Variants in PCDHGB5 observed in about 807,000 individuals in gnomAD.
The protein encoded by PCDHGB5 is protocadherin gamma-B5.
In PCDHGB5, 48 loss-of-function variants were observed where a neutral mutation model predicts 62.9. That is an observed-to-expected ratio of 0.76 (90% CI 0.61 to 0.97). The LOEUF is 0.97. Among genes scored for constraint, PCDHGB5 ranks in the 50% least tolerant of loss-of-function variants. The pLI, the probability that PCDHGB5 is intolerant of heterozygous loss-of-function variation, is 0.00. For missense variants in PCDHGB5, 1,118 were observed against 1,198.6 expected, an observed-to-expected ratio of 0.93 and a Z score of 0.99; for synonymous variants, 474 against 511.2, an observed-to-expected ratio of 0.93 and a Z score of 0.98.
chr5:141,450,650 C>G (rs1220350105), intron 1 of PCDHGB5, among the ~76,000 whole-genome samples: 1 of 151,618 alleles, frequency 6.6e-6, no homozygotes, highest in Non-Finnish European at 1.5e-5. Context: ...CCATGCCTGG[C>G]TAATTTTTGT....
intron 1 of PCDHGB5, among the ~76,000 whole-genome samples, chr5:141,465,137 GGGGA>G (rs2099097662): frequency 2.0e-5 from 3 of 151,520 alleles, no homozygotes; most frequent in Non-Finnish European, 4.4e-5. Context: ...AAAAAGTTTA[GGGGA>G]TATATGAAGG....
intron 2 of PCDHGB5, among the ~76,000 whole-genome samples, chr5:141,500,184 T>TTTTATTTATTTATTTA (rs58019021): frequency 1.5e-5 from 2 of 135,886 alleles, no homozygotes; most frequent in African/African-American, 5.4e-5. Flanking sequence ...TCATTTTTAT[T>TTTTATTTATTTATTTA]TTTATTTATT....
chr5:141,500,641 TA>T (rs1306300025), intron 2 of PCDHGB5, among the ~76,000 whole-genome samples: 4 of 152,346 alleles, frequency 2.6e-5, no homozygotes, highest in Middle Eastern at 3.4e-3. Flanking sequence ...ACTAGTTTTT[TA>T]AAAATAGCAA....
intron 1 of PCDHGB5, among the ~76,000 whole-genome samples, chr5:141,401,115 G>C (rs923480761): frequency 5.9e-5 from 9 of 151,974 alleles, no homozygotes; most frequent in African/African-American, 1.7e-4. Context: ...AGGCCGAGGC[G>C]GTTGGATCAC....
chr5:141,423,628 A>G (rs1272272666), intron 1 of PCDHGB5: 2 of 1,604,848 alleles, frequency 1.2e-6, no homozygotes, highest in African/African-American at 1.3e-5. Context: ...CTCAGCTATC[A>G]TTTTAGGCAA....
At chr5:141,427,191 G>A (rs749528616) in intron 1 of PCDHGB5, 1 of 456,716 alleles carries the variant, frequency 2.2e-6, no homozygotes, top group South Asian at 1.5e-5. Flanking sequence ...TAAATCCAAA[G>A]ACTTAATAGA....
chr5:141,422,330 C>A, intron 1 of PCDHGB5: 1 of 1,548,166 alleles, frequency 6.5e-7, no homozygotes. Flanking sequence ...ACAGTGATTG[C>A]TCTTCTAAAT....
Position 141,470,128 on chromosome 5 carries a change from CA to C in PCDHGB5, c.2398-24670del, listed in dbSNP as rs200356364. Among the ~76,000 whole-genome samples, 62 of 150,148 alleles carry C rather than the reference CA, an allele frequency of 4.1e-4. 1 individual carries two copies. Among genetic ancestry groups the C allele is most frequent in the Middle Eastern group, 3.4e-3 (1 of 294 alleles). On this transcript the variant is annotated intron_variant, in intron 1 of 3. Coordinates refer to ENST00000617380, the MANE Select transcript of PCDHGB5 (RefSeq NM_018925.3). ...TGAGCAACAGAGCAAGACTTCGTCTCAAAAAAAAAGATCATAGATCATCTTA... is the reference window on the plus strand; with the variant it reads ...TGAGCAACAGAGCAAGACTTCGTCTCAAAAAAAAGATCATAGATCATCTTA...
At chr5:141,448,000 C>T (rs1363676731) in intron 1 of PCDHGB5, among the ~76,000 whole-genome samples, 3 of 151,840 alleles carry the variant, frequency 2.0e-5, no homozygotes, top group Non-Finnish European at 4.4e-5. Flanking sequence ...GCATGAGAAT[C>T]GCTTGAACCC....
intron 1 of PCDHGB5, among the ~76,000 whole-genome samples, chr5:141,445,953 T>C (rs550111391): frequency 2.0e-4 from 31 of 152,308 alleles, no homozygotes; most frequent in Middle Eastern, 3.4e-3. Flanking sequence ...CTCTGGCTGC[T>C]ATATGGAGAA....
intron 3 of PCDHGB5, among the ~76,000 whole-genome samples, chr5:141,509,069 G>A (rs1463164307): frequency 2.6e-5 from 4 of 152,174 alleles, no homozygotes; most frequent in African/African-American, 9.7e-5. Context: ...CTCAGCTCCG[G>A]GGATTTGCGA....
chr5:141,502,383 G>A (rs941410477), intron 2 of PCDHGB5, among the ~76,000 whole-genome samples: 2 of 151,846 alleles, frequency 1.3e-5, no homozygotes, highest in African/African-American at 4.8e-5. Context: ...CAGGCCAGTT[G>A]TACTTTAAAA....
rs377061064 is a variant in PCDHGB5, at chr5:141,505,429, C to A, written c.2493C>A (p.Asn831Lys). 1.2e-6 allele frequency: 2 copies of A among 1,614,116 alleles called. No homozygotes were observed. Among genetic ancestry groups the A allele is most frequent in the African/African-American group, 1.3e-5 (1 of 74,938 alleles). Residue 831 changes from asparagine (N) to lysine (K), a missense_variant, in exon 3 of 4, where the codon AAC becomes AAA. Asn to Lys is a moderately conservative substitution (Grantham distance 94, BLOSUM62 0). Coordinates refer to ENST00000617380, the MANE Select transcript of PCDHGB5 (RefSeq NM_018925.3). ...QNGDDTGTWP[N>K]NQFDTEMLQA... ...GCGATGACACCGGCACCTGGCCCAA[C>A]AACCAGTTTGACACAGAGATGCTGC...
At chr5:141,438,649 CACATATATGTAT>C (rs1346265042) in intron 1 of PCDHGB5, among the ~76,000 whole-genome samples, 20 of 100,970 alleles carry the variant, frequency 2.0e-4, no homozygotes, top group Admixed American at 2.1e-4. Flanking sequence ...CACACACACA[CACATATATGTAT>C]ATATATATTT....
chr5:141,466,766 T>G (rs1309395984), intron 1 of PCDHGB5, among the ~76,000 whole-genome samples: 2 of 152,194 alleles, frequency 1.3e-5, no homozygotes, highest in Non-Finnish European at 2.9e-5. Context: ...TTTCAAACTG[T>G]TATCTTATTC....
In PCDHGB5 at chr5:141,491,722, C is replaced by T. The variant is rs1276921909; in HGVS notation, c.2398-3085C>T. ...CCAGGTGAGGGGCTCGGCGCCGCCC[C>T]GGGCGACCCCTGGGGGCGGCACTGG... On this transcript the variant is annotated intron_variant, in intron 1 of 3. Coordinates refer to ENST00000617380, the MANE Select transcript of PCDHGB5 (RefSeq NM_018925.3). This position sits in a 1 kb window ranked among gnomAD's most constrained non-coding sequence, Gnocchi z 6.9. The T allele has an allele frequency of 6.2e-7, 1 of 1,607,004 alleles. No homozygotes were observed.
At chr5:141,473,944 CTGTA>C (rs2099333270) in intron 1 of PCDHGB5, among the ~76,000 whole-genome samples, 2 of 152,156 alleles carry the variant, frequency 1.3e-5, no homozygotes, top group Non-Finnish European at 2.9e-5. Context: ...TAGCTCAGGC[CTGTA>C]GTCCCATCTA....
intron 1 of PCDHGB5, among the ~76,000 whole-genome samples, chr5:141,449,240 G>A (rs535847654): frequency 6.6e-6 from 1 of 152,186 alleles, no homozygotes; most frequent in Non-Finnish European, 1.5e-5. Context: ...ATTTTCAAAG[G>A]AGTTGCAAGA....
Position 141,512,554 on chromosome 5 carries a change from T to TAG in PCDHGB5, c.*1383_*1384dup, listed in dbSNP as rs2099884300. ...AAGTTCCCCAGTGCCTCCTTGTGCA[T>TAG]AGACCTTCTTCTCCCACCCCCTTCT... is the stretch of plus-strand genomic sequence containing the variant. On this transcript the variant is annotated 3_prime_UTR_variant, in exon 4 of 4. Coordinates refer to ENST00000617380, the MANE Select transcript of PCDHGB5 (RefSeq NM_018925.3). 6.5e-6 allele frequency: 1 copy of TAG among 153,012 alleles called. No homozygotes were observed. Among genetic ancestry groups the TAG allele is most frequent in the Non-Finnish European group, 1.5e-5 (1 of 68,482 alleles). 9.5% of individuals were successfully genotyped at this position (153,012 alleles called of 1,614,324 possible).
Sources: gnomAD v4.1 joint callset for allele counts (sites outside exome capture counted in the v4.1 genomes callset) on GRCh38, gnomAD v4.1.1 for gene constraint, Gnocchi (gnomAD v3.1) non-coding constraint, MANE v1.5 for transcripts, NCBI Gene and HGNC (gene_info 2026-07-23, HGNC 2026-07-21) for gene names.